Variants in COL22A1 observed in about 807,000 individuals in gnomAD.
COL22A1 encodes collagen type XXII alpha 1 chain.
In COL22A1, 221 loss-of-function variants were observed where a neutral mutation model predicts 248.9. That is an observed-to-expected ratio of 0.89 (90% CI 0.80 to 0.99). The LOEUF is 0.99. COL22A1 is among the 50% of genes least tolerant of loss of function. COL22A1 has a pLI of 0.00. For missense variants in COL22A1, 2,240 were observed against 2,179.0 expected, an observed-to-expected ratio of 1.03 and a Z score of -0.56; for synonymous variants, 891 against 793.4, an observed-to-expected ratio of 1.12 and a Z score of -2.07.
At chr8:138,603,864 G>A (rs1818227604) in intron 59 of COL22A1, among the ~76,000 whole-genome samples, 1 of 152,192 alleles carries the variant, frequency 6.6e-6, no homozygotes, top group Non-Finnish European at 1.5e-5. Flanking sequence ...TCAAGGGGGA[G>A]AATGCAGGCC....
intron 16 of COL22A1, among the ~76,000 whole-genome samples, chr8:138,764,340 C>G (rs1395724737): frequency 6.6e-6 from 1 of 152,200 alleles, no homozygotes; most frequent in Non-Finnish European, 1.5e-5. Flanking sequence ...CGGAGTGGGT[C>G]TCTCCTTTCA....
chr8:138,596,939 C>T lies in COL22A1; in HGVS notation c.4397G>A (p.Arg1466Gln), dbSNP rs776233435. ...GESPSMETLR[R>Q]LIQEELGKQL... ...CTTCCCCAGCTCTTCTTGAATAAGC[C>T]GACGCAGGGTTTCCATGGATGGAGA... Residue 1466 changes from arginine (R) to glutamine (Q), a missense_variant, in exon 62 of 65, where the codon CGG becomes CAG. Arg to Gln is a conservative substitution (Grantham distance 43). Coordinates refer to ENST00000303045, the MANE Select transcript of COL22A1 (RefSeq NM_152888.3). 3.8e-5 allele frequency: 61 copies of T among 1,613,910 alleles called. No homozygotes were observed. Among genetic ancestry groups the T allele is most frequent in the Admixed American group, 5.0e-5 (3 of 59,990 alleles).
chr8:138,624,451 AT>A (rs1820082187), intron 51 of COL22A1, among the ~76,000 whole-genome samples: 2 of 152,272 alleles, frequency 1.3e-5, no homozygotes, highest in African/African-American at 4.8e-5. Context: ...ACATGATCAG[AT>A]TTCCATTGGA....
At chr8:138,699,062 T>C (rs904738761) in intron 32 of COL22A1, among the ~76,000 whole-genome samples, 1 of 152,138 alleles carries the variant, frequency 6.6e-6, no homozygotes, top group Non-Finnish European at 1.5e-5. Flanking sequence ...GGTTGACAGC[T>C]CAGTGACAAG....
intron 13 of COL22A1, among the ~76,000 whole-genome samples, chr8:138,780,040 T>C (rs6989719): frequency 1.3e-5 from 2 of 152,044 alleles, no homozygotes; most frequent in Admixed American, 1.3e-4. Flanking sequence ...GGGATTATAG[T>C]TGTGAGCCAC....
intron 24 of COL22A1, among the ~76,000 whole-genome samples, chr8:138,725,071 G>T (rs554537051): frequency 4.6e-5 from 7 of 152,300 alleles, no homozygotes; most frequent in African/African-American, 1.7e-4. Flanking sequence ...CCTCTGTTTT[G>T]CCTCAAAGCC....
At chr8:138,742,304 GTGATGGTGATGGTGGAGT>G (rs1714330283) in intron 22 of COL22A1, among the ~76,000 whole-genome samples, 2 of 150,872 alleles carry the variant, frequency 1.3e-5, no homozygotes, top group Non-Finnish European at 3.0e-5. Context: ...GGTAGTGATT[GTGATGGTGATGGTGGAGT>G]TGATGGTGAT....
chr8:138,776,889 T>TG (rs1345195816), intron 15 of COL22A1, among the ~76,000 whole-genome samples: 5 of 152,196 alleles, frequency 3.3e-5, no homozygotes. Context: ...TTCTAGGGGT[T>TG]GTGTCGGAAG....
intron 16 of COL22A1, among the ~76,000 whole-genome samples, chr8:138,769,856 C>T (rs1834217489): frequency 6.6e-6 from 1 of 152,324 alleles, no homozygotes; most frequent in South Asian, 2.1e-4. Context: ...ATGGAAAAGA[C>T]AGAGGTGCCC....
At chr8:138,808,480 T>C (rs572556378) in intron 9 of COL22A1, among the ~76,000 whole-genome samples, 1 of 152,330 alleles carries the variant, frequency 6.6e-6, no homozygotes, top group South Asian at 2.1e-4. Flanking sequence ...GTAGTTATTG[T>C]TCACTAAAAT....
At chr8:138,805,064 G>GGT (rs144328245) in intron 10 of COL22A1, among the ~76,000 whole-genome samples, 25 of 132,954 alleles carry the variant, frequency 1.9e-4, no homozygotes, top group Admixed American at 1.8e-3. Context: ...GGTGTGTGAT[G>GGT]GTGTGTGTGT....
At chr8:138,818,046 T>C (rs555105697) in intron 7 of COL22A1, among the ~76,000 whole-genome samples, 91 of 152,332 alleles carry the variant, frequency 6.0e-4, no homozygotes, top group Non-Finnish European at 1.2e-3. Flanking sequence ...AATAGAAATA[T>C]AGTGGAAATC....
intron 27 of COL22A1, among the ~76,000 whole-genome samples, chr8:138,717,272 C>T (rs912850400): frequency 4.6e-5 from 7 of 152,066 alleles, no homozygotes; most frequent in African/African-American, 9.6e-5. Flanking sequence ...CTCAGCCTCC[C>T]GAGTAGCTGG....
In COL22A1 at chr8:138,598,899, C is replaced by T; in HGVS notation, c.4186-1G>A. ...TGTCACCTTTGATCCCAGGATCTCC[C>T]TAAGGAGGAAATAAGCATGTCAGCA... On this transcript the variant is annotated splice_acceptor_variant, in intron 60 of 64. Transcript: ENST00000303045. LOFTEE classifies it high-confidence loss of function. 1 of 1,614,060 alleles carries T rather than the reference C, an allele frequency of 6.2e-7. No individual in the cohort carries two copies. Among genetic ancestry groups the T allele is most frequent in the East Asian group, 2.2e-5 (1 of 44,874 alleles).
chr8:138,596,078 A>G lies in COL22A1; in HGVS notation c.4432+826T>C, dbSNP rs1226678620. ...TAACAATTCTTACAATAATTACATG[A>G]GCCTCATGAGATTGTTTGGAGGCTG... On this transcript the variant is annotated intron_variant, in intron 62 of 64. Transcript: ENST00000303045. Among the ~76,000 whole-genome samples, 8 of 152,306 alleles carry G rather than the reference A, an allele frequency of 5.3e-5. No homozygotes were observed. The East Asian group carries it at 5.8e-4, about 11-fold the overall frequency.
At chr8:138,752,978 T>C (rs559845160) in intron 21 of COL22A1, among the ~76,000 whole-genome samples, 1 of 152,342 alleles carries the variant, frequency 6.6e-6, no homozygotes, top group Non-Finnish European at 1.5e-5. Flanking sequence ...GCAGCTCATT[T>C]AACCTCATAG....
intron 37 of COL22A1, among the ~76,000 whole-genome samples, chr8:138,686,852 G>T (rs1008188604): frequency 3.3e-5 from 5 of 152,186 alleles, no homozygotes; most frequent in African/African-American, 1.2e-4. Context: ...GATGAATCCA[G>T]ATGTTTTTCC....
intron 62 of COL22A1, among the ~76,000 whole-genome samples, chr8:138,596,533 T>C (rs1318904713): frequency 6.6e-6 from 1 of 152,230 alleles, no homozygotes; most frequent in African/African-American, 2.4e-5. Context: ...TGTCTATTTG[T>C]TTATCTACCT....
intron 3 of COL22A1, among the ~76,000 whole-genome samples, chr8:138,861,041 C>G (rs1449747754): frequency 6.6e-6 from 1 of 152,172 alleles, no homozygotes; most frequent in African/African-American, 2.4e-5. Context: ...TCAGCTCCTG[C>G]TGCCATCACC....
Sources: allele counts gnomAD v4.1 joint callset (sites outside exome capture counted in the v4.1 genomes callset), GRCh38; gene constraint gnomAD v4.1.1; transcripts MANE v1.5; gene names NCBI Gene and HGNC (gene_info 2026-07-23, HGNC 2026-07-21).